The following MPDZ variants were observed in gnomAD, a reference collection of about 807,000 sequenced individuals.
MPDZ encodes multiple PDZ domain crumbs cell polarity complex component.
In MPDZ, 234 loss-of-function variants were observed where a neutral mutation model predicts 239.1. The ratio of observed to expected loss-of-function variants is 0.98; its 90% confidence interval spans 0.88 to 1.09. The LOEUF is 1.09. MPDZ is among the 50% of genes least tolerant of loss of function. The probability of loss-of-function intolerance (pLI) is 0.00; values close to 1 mark genes in which losing one functional copy is unlikely to be tolerated. For synonymous variants in MPDZ, 1,048 were observed against 881.3 expected, an observed-to-expected ratio of 1.19 and a Z score of -3.35; for missense variants, 3,175 against 2,510.0, an observed-to-expected ratio of 1.26 and a Z score of -5.66.
intron 21 of MPDZ, among the ~76,000 whole-genome samples, chr9:13,170,766 C>A (rs777407185): frequency 6.6e-6 from 1 of 152,248 alleles, no homozygotes; most frequent in African/African-American, 2.4e-5. Context: ...ATTTAACTCA[C>A]GATTCTCAGC....
At chr9:13,173,101 A>G (rs1951997329) in intron 21 of MPDZ, among the ~76,000 whole-genome samples, 1 of 152,222 alleles carries the variant, frequency 6.6e-6, no homozygotes, top group South Asian at 2.1e-4. Context: ...ATGGTAGTTG[A>G]CAGGGGACTG....
At chr9:13,237,967 C>T (rs1046797804) in intron 3 of MPDZ, among the ~76,000 whole-genome samples, 3 of 152,066 alleles carry the variant, frequency 2.0e-5, no homozygotes, top group African/African-American at 7.2e-5. Context: ...AATAGATTTT[C>T]CTGTAGTAGA....
chr9:13,196,237 C>T lies in MPDZ; in HGVS notation c.1547-7G>A, dbSNP rs770135922. ...GCTGACAGTAATGGATACCCTGAAA[C>T]AGTCAAGGCAATTAAGTTAGCAGCA... On this transcript the variant is annotated splice_polypyrimidine_tract_variant and splice_region_variant and intron_variant, in intron 12 of 46. Coordinates refer to ENST00000319217, the MANE Select transcript of MPDZ (RefSeq NM_001378778.1). 9 of 1,563,082 alleles carry T rather than the reference C, an allele frequency of 5.8e-6. No homozygotes were observed. The highest frequency in any genetic ancestry group is 2.3e-5 in the East Asian group (1 of 43,772).
chr9:13,152,406 T>C (rs543049583), intron 24 of MPDZ, among the ~76,000 whole-genome samples: 18 of 152,108 alleles, frequency 1.2e-4, no homozygotes, highest in Non-Finnish European at 2.5e-4. Context: ...GGGGCAGGTC[T>C]TTCCTGTGCT....
At chr9:13,259,927 A>T (rs753589565) in intron 1 of MPDZ, among the ~76,000 whole-genome samples, 2 of 152,014 alleles carry the variant, frequency 1.3e-5, no homozygotes, top group Non-Finnish European at 2.9e-5. Flanking sequence ...TCCGCCTCCC[A>T]GGTTCAAGCT....
At chr9:13,233,872 T>A (rs113833930) in intron 3 of MPDZ, among the ~76,000 whole-genome samples, 1 of 152,142 alleles carries the variant, frequency 6.6e-6, no homozygotes, top group Non-Finnish European at 1.5e-5. Flanking sequence ...GAAGACAAAG[T>A]TGGTCTACCA....
At chr9:13,268,802 G>A (rs1382952248) in intron 1 of MPDZ, among the ~76,000 whole-genome samples, 2 of 152,236 alleles carry the variant, frequency 1.3e-5, no homozygotes, top group Non-Finnish European at 2.9e-5. Flanking sequence ...AGAATGACAG[G>A]AGCTAGGAAG....
chr9:13,232,203 C>T (rs1452627964), intron 3 of MPDZ, among the ~76,000 whole-genome samples: 1 of 152,032 alleles, frequency 6.6e-6, no homozygotes, highest in South Asian at 2.1e-4. Context: ...ACAAATAAAC[C>T]ATTAGCTGTA....
intron 10 of MPDZ, among the ~76,000 whole-genome samples, chr9:13,214,275 A>G (rs1958003516): frequency 6.6e-6 from 1 of 152,038 alleles, no homozygotes; most frequent in Non-Finnish European, 1.5e-5. Flanking sequence ...ACTACAATAC[A>G]GATGAAACTT....
At chr9:13,168,803 G>T (rs1419044055) in intron 21 of MPDZ, among the ~76,000 whole-genome samples, 1 of 152,062 alleles carries the variant, frequency 6.6e-6, no homozygotes, top group African/African-American at 2.4e-5. Context: ...TCTACATTGT[G>T]GAATGAATGT....
At chr9:13,201,655 G>A (rs1362368400) in intron 12 of MPDZ, among the ~76,000 whole-genome samples, 1 of 151,674 alleles carries the variant, frequency 6.6e-6, no homozygotes, top group Non-Finnish European at 1.5e-5. Context: ...TATTTCATAT[G>A]GTCTATCTCC....
chr9:13,157,632 AACAC>A (rs60566356), intron 24 of MPDZ, among the ~76,000 whole-genome samples: 1 of 149,578 alleles, frequency 6.7e-6, no homozygotes, highest in Non-Finnish European at 1.5e-5. Context: ...TTTACACACA[AACAC>A]ACACACACAC....
intron 12 of MPDZ, among the ~76,000 whole-genome samples, chr9:13,197,551 C>T (rs1173112156): frequency 6.6e-6 from 1 of 152,048 alleles, no homozygotes; most frequent in African/African-American, 2.4e-5. Context: ...GTGTAATGAT[C>T]AAATACAGAT....
intron 1 of MPDZ, among the ~76,000 whole-genome samples, chr9:13,254,155 A>G (rs1330599609): frequency 6.6e-6 from 1 of 152,252 alleles, no homozygotes; most frequent in Admixed American, 6.5e-5. Flanking sequence ...CAAAATGAAT[A>G]AAGTCTGAAA....
intron 22 of MPDZ, among the ~76,000 whole-genome samples, chr9:13,167,658 A>G (rs1027375313): frequency 6.6e-6 from 1 of 152,154 alleles, no homozygotes; most frequent in Non-Finnish European, 1.5e-5. Flanking sequence ...CAAATATTCA[A>G]TGATTAATGC....
intron 3 of MPDZ, among the ~76,000 whole-genome samples, chr9:13,238,600 G>A (rs1329858147): frequency 2.0e-5 from 3 of 152,130 alleles, no homozygotes; most frequent in Non-Finnish European, 2.9e-5. Flanking sequence ...GCAAGATGAC[G>A]AACCTTGTGT....
At chr9:13,210,891 G>A (rs993527901) in intron 10 of MPDZ, among the ~76,000 whole-genome samples, 16 of 152,044 alleles carry the variant, frequency 1.1e-4, no homozygotes, top group Non-Finnish European at 2.2e-4. Context: ...AGTCAGTTCT[G>A]AACATCTGCC....
chr9:13,190,070 C>A, intron 16 of MPDZ, 44 bp downstream of exon 16: 1 of 1,530,374 alleles, frequency 6.5e-7, no homozygotes, highest in Non-Finnish European at 8.9e-7. Flanking sequence ...TCTTTGATAG[C>A]AACAATAGGC....
chr9:13,221,340 A>C, intron 7 of MPDZ, 32 bp downstream of exon 7: 3 of 1,562,126 alleles, frequency 1.9e-6, no homozygotes, highest in Non-Finnish European at 2.6e-6. Context: ...TATTTGATAA[A>C]ATAGCATAAA....
Sources: gnomAD v4.1 joint callset for allele counts (sites outside exome capture counted in the v4.1 genomes callset) on GRCh38, gnomAD v4.1.1 for gene constraint, MANE v1.5 for transcripts, NCBI Gene and HGNC (gene_info 2026-07-23, HGNC 2026-07-21) for gene names.